The following MAGI2 variants were observed in gnomAD, a reference collection of about 807,000 sequenced individuals.
The protein encoded by MAGI2 is membrane-associated guanylate kinase, WW and PDZ domain-containing protein 2.
A neutral mutation model predicts 133.3 loss-of-function variants in MAGI2; 35 were observed. The observed-to-expected ratio is 0.26, with a 90% confidence interval of 0.20 to 0.35. The LOEUF (loss-of-function observed/expected upper bound fraction) is 0.35, where lower values mean the gene tolerates loss of function less well. Ranked by LOEUF, MAGI2 falls within the 10% of genes least tolerant of loss-of-function variation. MAGI2 has a pLI of 1.00. For synonymous variants in MAGI2, 729 were observed against 710.6 expected (o/e 1.03, Z -0.41); for missense variants, 1,636 against 1,863.4 (o/e 0.88, Z 2.25).
At chr7:78,440,327 A>G (rs951203606) in intron 6 of MAGI2, among the ~76,000 whole-genome samples, 10 of 152,188 alleles carry the variant, frequency 6.6e-5, no homozygotes, top group Non-Finnish European at 1.0e-4. Context: ...CATATGGCTG[A>G]TGAAGTGTGC....
intron 6 of MAGI2, among the ~76,000 whole-genome samples, chr7:78,447,669 A>T (rs4727702): frequency 0.79 from 120,380 of 152,094 alleles, 47,860 homozygotes; most frequent in East Asian, 0.91. Flanking sequence ...AGGCCTAAGA[A>T]ATCATCTGCA....
intron 1 of MAGI2, among the ~76,000 whole-genome samples, chr7:79,386,587 T>C (rs1173737746): frequency 2.6e-5 from 4 of 152,088 alleles, no homozygotes; most frequent in East Asian, 1.9e-4. Flanking sequence ...CAAGCTATAG[T>C]TACTCTAAGT....
At chr7:78,124,861 C>CTTTTTT (rs10707820) in intron 20 of MAGI2, among the ~76,000 whole-genome samples, 7 of 137,430 alleles carry the variant, frequency 5.1e-5, no homozygotes, top group Non-Finnish European at 4.7e-5. Flanking sequence ...TAGCTGCTGT[C>CTTTTTT]TTTTTTTTTT....
At chr7:78,813,567 C>T (rs1012329125) in intron 2 of MAGI2, among the ~76,000 whole-genome samples, 3 of 152,024 alleles carry the variant, frequency 2.0e-5, no homozygotes, top group East Asian at 1.9e-4. Context: ...GGGCGGATCA[C>T]GAGGTCAGGA....
chr7:78,670,653 G>A (rs1315054873), intron 2 of MAGI2, among the ~76,000 whole-genome samples: 2 of 152,036 alleles, frequency 1.3e-5, no homozygotes, highest in Non-Finnish European at 1.5e-5. Flanking sequence ...GAGGCATCAC[G>A]CTACCTGACT....
chr7:78,903,115 G>A (rs1035121420), intron 2 of MAGI2, among the ~76,000 whole-genome samples: 11 of 141,966 alleles, frequency 7.7e-5, no homozygotes, highest in African/African-American at 1.0e-4. Flanking sequence ...ATATGAACAT[G>A]TGAACACATT....
chr7:79,216,850 A>C (rs1252975916), intron 1 of MAGI2, among the ~76,000 whole-genome samples: 1 of 152,096 alleles, frequency 6.6e-6, no homozygotes, highest in Non-Finnish European at 1.5e-5. Context: ...ATTTGTTTAC[A>C]TCCTGGTAGT....
intron 6 of MAGI2, among the ~76,000 whole-genome samples, chr7:78,384,990 T>C (rs374524429): frequency 2.7e-4 from 41 of 152,288 alleles, no homozygotes; most frequent in African/African-American, 9.4e-4. Flanking sequence ...TTTTACATGC[T>C]GCTAAATGGT....
At position 78,297,220 on chromosome 7, in the gene MAGI2, C is replaced by T. The variant is rs114468899; in HGVS notation, c.1409-40639G>A. Reference sequence around the variant, plus strand: ...CTTTATGGTAGATAAACCTGACAAACACTACACTAGCTCATCATCACTGGC... The same window carrying T: ...CTTTATGGTAGATAAACCTGACAAATACTACACTAGCTCATCATCACTGGC... On this transcript the variant is annotated intron_variant, in intron 9 of 21. Coordinates refer to ENST00000354212, the MANE Select transcript of MAGI2 (RefSeq NM_012301.4). Among the ~76,000 whole-genome samples, 802 of 152,278 alleles carry T rather than the reference C, an allele frequency of 5.3e-3. 7 individuals carry two copies. The highest frequency in any genetic ancestry group is 0.019 in the African/African-American group (779 of 41,560).
chr7:78,814,526 G>C (rs246463), intron 2 of MAGI2, among the ~76,000 whole-genome samples: 125,628 of 152,124 alleles, frequency 0.83, 52,798 homozygotes, highest in East Asian at 1. Flanking sequence ...ACTTAAAGGT[G>C]AACTGAGTAA....
At chr7:78,359,268 T>G (rs6944806) in intron 7 of MAGI2, 74,983 of 151,920 alleles carry the variant, frequency 0.49, 18,929 homozygotes, top group Middle Eastern at 0.57. Context: ...TCCCACCTTC[T>G]CGTGCTATAC....
chr7:78,532,793 C>T (rs1797576237), intron 3 of MAGI2, among the ~76,000 whole-genome samples: 1 of 152,164 alleles, frequency 6.6e-6, no homozygotes, highest in Non-Finnish European at 1.5e-5. Flanking sequence ...GCATATAACC[C>T]TAGGCTTTGA....
chr7:78,090,991 A>G (rs1176887727), intron 20 of MAGI2, among the ~76,000 whole-genome samples: 1 of 152,070 alleles, frequency 6.6e-6, no homozygotes, highest in Non-Finnish European at 1.5e-5. Flanking sequence ...ATTTGATTGT[A>G]TATTTCCACA....
chr7:78,094,121 T>C, intron 20 of MAGI2, among the ~76,000 whole-genome samples: 1 of 152,204 alleles, frequency 6.6e-6, no homozygotes, highest in East Asian at 1.9e-4. Flanking sequence ...TTTGCATGAT[T>C]ATTTAGCTTG....
chr7:78,499,717 C>A (rs1794450795), intron 5 of MAGI2, among the ~76,000 whole-genome samples: 1 of 152,176 alleles, frequency 6.6e-6, no homozygotes, highest in Non-Finnish European at 1.5e-5. Flanking sequence ...ACTTGTCATG[C>A]TGCTTTCCTT....
At chr7:78,513,035 C>G (rs1157967660) in intron 4 of MAGI2, among the ~76,000 whole-genome samples, 2 of 152,104 alleles carry the variant, frequency 1.3e-5, no homozygotes, top group East Asian at 1.9e-4. Flanking sequence ...GTGAAAGAAA[C>G]TGATACAAAT....
intron 16 of MAGI2, among the ~76,000 whole-genome samples, chr7:78,144,821 TGC>T (rs1823128737): frequency 6.6e-6 from 1 of 152,178 alleles, no homozygotes; most frequent in African/African-American, 2.4e-5. Flanking sequence ...TACATAGGTA[TGC>T]GTGTGTGCCA....
chr7:78,597,121 G>T (rs1804690967), intron 3 of MAGI2, among the ~76,000 whole-genome samples: 1 of 152,296 alleles, frequency 6.6e-6, no homozygotes, highest in East Asian at 1.9e-4. Context: ...TTCCTAAGTT[G>T]TTGGTAGAAA....
At chr7:78,371,762 A>G (rs1793941359) in intron 6 of MAGI2, among the ~76,000 whole-genome samples, 1 of 152,020 alleles carries the variant, frequency 6.6e-6, no homozygotes, top group Non-Finnish European at 1.5e-5. Context: ...AGATATCAAC[A>G]TGTTTTGTGT....
Sources: allele counts gnomAD v4.1 joint callset (sites outside exome capture counted in the v4.1 genomes callset), GRCh38; gene constraint gnomAD v4.1.1; transcripts MANE v1.5; gene names NCBI Gene and HGNC (gene_info 2026-07-23, HGNC 2026-07-21).